The following ESR1 variants were observed in gnomAD, a reference collection of about 807,000 sequenced individuals.
The protein encoded by ESR1 is estrogen receptor 1.
Under a neutral mutation model 52.7 loss-of-function variants are expected in ESR1, and 12 were observed. That is an observed-to-expected ratio of 0.23 (90% CI 0.15 to 0.37). The LOEUF is 0.37. Among genes scored for constraint, ESR1 ranks in the 10% least tolerant of loss-of-function variants. ESR1 has a pLI of 1.00. For missense variants in ESR1, 584 were observed against 779.7 expected (o/e 0.75, Z 2.99); for synonymous variants, 305 against 316.8 (o/e 0.96, Z 0.39).
chr6:151,824,384 A>G (rs890413819), intron 1 of ESR1, among the ~76,000 whole-genome samples: 1 of 152,098 alleles, frequency 6.6e-6, no homozygotes, highest in Non-Finnish European at 1.5e-5. Context: ...CCTTTATCAG[A>G]TGAGTAGATT....
At chr6:151,990,660 C>G (rs1350190762) in intron 4 of ESR1, among the ~76,000 whole-genome samples, 1 of 152,136 alleles carries the variant, frequency 6.6e-6, no homozygotes, top group African/African-American at 2.4e-5. Context: ...GGATAAGAAG[C>G]CTACTCCCAG....
chr6:151,776,839 T>TAA (rs562972947), intron 2 of ESR1, among the ~76,000 whole-genome samples: 1 of 133,746 alleles, frequency 7.5e-6, no homozygotes, highest in African/African-American at 2.8e-5. Context: ...AACTCCGTCT[T>TAA]AAAAAAAAAA....
chr6:151,704,263 C>A (rs1370737618), intron 2 of ESR1, among the ~76,000 whole-genome samples: 1 of 152,124 alleles, frequency 6.6e-6, no homozygotes. Context: ...GAGACTGAGT[C>A]TCACTCTGTC....
At chr6:151,941,179 A>G (rs1193717376) in intron 3 of ESR1, among the ~76,000 whole-genome samples, 1 of 152,222 alleles carries the variant, frequency 6.6e-6, no homozygotes, top group Admixed American at 6.5e-5. Context: ...TCACCTTAGG[A>G]AAAACAATAT....
intron 5 of ESR1, among the ~76,000 whole-genome samples, chr6:152,056,101 T>G (rs1337942560): frequency 1.3e-5 from 2 of 152,194 alleles, no homozygotes; most frequent in Non-Finnish European, 2.9e-5. Flanking sequence ...ACAACTTTCA[T>G]TTTAAAATTT....
intron 3 of ESR1, among the ~76,000 whole-genome samples, chr6:151,897,720 C>T (rs1795771020): frequency 6.6e-6 from 1 of 152,152 alleles, no homozygotes; most frequent in Non-Finnish European, 1.5e-5. Flanking sequence ...TTCTGTTCAT[C>T]ATGCCATTTG....
chr6:152,012,052 A>ACTCACTCT (rs1554307519), intron 5 of ESR1, among the ~76,000 whole-genome samples: 3 of 143,374 alleles, frequency 2.1e-5, no homozygotes, highest in Non-Finnish European at 4.6e-5. Context: ...ACACACTCAC[A>ACTCACTCT]CTCTCTCTCT....
At chr6:151,990,812 G>A (rs1413734190) in intron 4 of ESR1, among the ~76,000 whole-genome samples, 1 of 152,086 alleles carries the variant, frequency 6.6e-6, no homozygotes, top group African/African-American at 2.4e-5. Context: ...TATCAGTACA[G>A]GTCAGTGAAA....
At chr6:151,774,932 A>G (rs1785830542) in intron 2 of ESR1, among the ~76,000 whole-genome samples, 7 of 152,226 alleles carry the variant, frequency 4.6e-5, no homozygotes, top group Admixed American at 4.6e-4. Context: ...GTCAGATTTC[A>G]CTTTTAATAT....
Position 152,102,998 on chromosome 6 carries a change from T to A in ESR1, c.*4032T>A, listed in dbSNP as rs1394524563. 1 of 221,822 alleles carries A rather than the reference T, an allele frequency of 4.5e-6. No individual in the cohort carries two copies. Among genetic ancestry groups the A allele is most frequent in the Admixed American group, 5.8e-5 (1 of 17,384 alleles). 13.7% of individuals were successfully genotyped at this position (221,822 alleles called of 1,614,324 possible). A position where few individuals can be genotyped will look rare whatever the true frequency, so the allele number is the denominator to read the frequency against. ...CCAGTTTCTGTTCTCTCACAGGTGA[T>A]AAACAATGCTTTTTGTGCACTACAT... On this transcript the variant is annotated 3_prime_UTR_variant, in exon 8 of 8. Transcript: ENST00000206249.
intron 2 of ESR1, among the ~76,000 whole-genome samples, chr6:151,735,678 C>T (rs1233889415): frequency 6.6e-6 from 1 of 151,942 alleles, no homozygotes; most frequent in African/African-American, 2.4e-5. Flanking sequence ...GAGTAGTGTA[C>T]TCTGTACCCA....
rs1017176503 is a variant in ESR1, at chr6:151,807,720, C to T, written c.-193C>T. On this transcript the variant is annotated 5_prime_UTR_variant, in exon 1 of 8. Coordinates refer to ENST00000206249, the MANE Select transcript of ESR1 (RefSeq NM_000125.4). ...CGTTCGTCCTGGGACTGCACTTGCTCCCGTCGGGTCGCCCGGCTTCACCGG... is the reference window on the plus strand; with the variant it reads ...CGTTCGTCCTGGGACTGCACTTGCTTCCGTCGGGTCGCCCGGCTTCACCGG... The T allele has an allele frequency of 5.0e-5, 33 of 655,086 alleles. No homozygotes were observed. The highest frequency in any genetic ancestry group is 8.2e-5 in the Non-Finnish European group (30 of 365,856). The allele number at this position is 655,086 out of a possible 1,614,324, so 40.6% of individuals were successfully genotyped here.
chr6:152,073,776 G>A (rs1585115702), intron 6 of ESR1, among the ~76,000 whole-genome samples: 2 of 152,038 alleles, frequency 1.3e-5, no homozygotes, highest in African/African-American at 4.8e-5. Flanking sequence ...CCAACTGGCC[G>A]ACCTCAGGCA....
chr6:151,940,606 C>T (rs867160358), intron 3 of ESR1, among the ~76,000 whole-genome samples: 17 of 152,206 alleles, frequency 1.1e-4, no homozygotes, highest in Admixed American at 4.6e-4. Flanking sequence ...CTAAATTCCT[C>T]CAAGAAGGGA....
At chr6:151,914,562 A>G (rs909779970) in intron 3 of ESR1, among the ~76,000 whole-genome samples, 10 of 152,212 alleles carry the variant, frequency 6.6e-5, no homozygotes, top group Admixed American at 5.2e-4. Context: ...GCAAATCACC[A>G]TTTTATTAGA....
chr6:151,696,471 CAAAT>C (rs59140265), intron 1 of ESR1, among the ~76,000 whole-genome samples: 64,056 of 136,000 alleles, frequency 0.47, 15,375 homozygotes, highest in Admixed American at 0.53. Flanking sequence ...GACTCCATCT[CAAAT>C]AAATAAATAA....
chr6:151,684,352 C>A (rs549537444), intron 1 of ESR1, among the ~76,000 whole-genome samples: 1 of 152,180 alleles, frequency 6.6e-6, no homozygotes, highest in Non-Finnish European at 1.5e-5. Context: ...TGGCTGGAGA[C>A]GGGTGATCAG....
intron 2 of ESR1, among the ~76,000 whole-genome samples, chr6:151,876,663 G>A (rs1791869759): frequency 6.6e-6 from 1 of 152,114 alleles, no homozygotes; most frequent in Admixed American, 6.5e-5. Flanking sequence ...TGTTGCTGCA[G>A]GGGCTGGGGT....
intron 3 of ESR1, among the ~76,000 whole-genome samples, chr6:151,886,870 G>A (rs1048770260): frequency 1.3e-5 from 2 of 151,814 alleles, no homozygotes; most frequent in East Asian, 1.9e-4. Context: ...GTATAACCTC[G>A]TCTCTACTAA....
Sources: gnomAD v4.1 joint callset for allele counts (sites outside exome capture counted in the v4.1 genomes callset) on GRCh38, gnomAD v4.1.1 for gene constraint, MANE v1.5 for transcripts, NCBI Gene and HGNC (gene_info 2026-07-23, HGNC 2026-07-21) for gene names.